SPRED2: variants seen among roughly 807,000 people sequenced by gnomAD.
SPRED2 encodes sprouty related EVH1 domain containing 2.
A neutral mutation model predicts 43.0 loss-of-function variants in SPRED2; 47 were observed. The ratio of observed to expected loss-of-function variants is 1.09; its 90% CI spans 0.87 to 1.40. The LOEUF (loss-of-function observed/expected upper bound fraction) is 1.40, where lower values mean the gene tolerates loss of function less well. SPRED2 is among the 40% of genes most tolerant of loss of function. The pLI is 0.00. For synonymous variants in SPRED2, 225 were observed against 225.7 expected, an observed-to-expected ratio of 1.00 and a Z score of 0.03; for missense variants, 561 against 586.4, an observed-to-expected ratio of 0.96 and a Z score of 0.45.
chr2:65,313,813 C>T lies in SPRED2; in HGVS notation c.945G>A (p.Met315Ile). Residue 315 changes from methionine (M) to isoleucine (I), a missense_variant, in exon 6 of 6, where the codon ATG becomes ATA. Met to Ile is a conservative substitution (Grantham distance 10, BLOSUM62 1). Transcript: ENST00000356388. ...CCCGGCGGTTCTCCTCGTGGTTGAA[C>T]ATGTCCCTGCAGTACACGCACCGCG... ...ERSRCVYCRD[M>I]FNHEENRRGH... is the part of the protein sequence containing the mutation. 7 of 1,613,798 alleles carry T rather than the reference C, an allele frequency of 4.3e-6. No individual in the cohort carries two copies. Among genetic ancestry groups the T allele is most frequent in the Non-Finnish European group, 5.9e-6 (7 of 1,180,032 alleles).
At position 65,316,719 on chromosome 2, in the gene SPRED2, A is replaced by G. The variant is rs764248188; in HGVS notation, c.588+15T>C. The G allele has an allele frequency of 6.2e-7, 1 of 1,602,592 alleles. No individual in the cohort carries two copies. Among genetic ancestry groups the G allele is most frequent in the South Asian group, 1.1e-5 (1 of 88,834 alleles). On this transcript the variant is annotated intron_variant, in intron 5 of 5. Coordinates refer to ENST00000356388, the MANE Select transcript of SPRED2 (RefSeq NM_181784.3). ...ACCACCCTGATGCCCTCAGAGGAAC[A>G]GGGCTGCTGCTCACCTGATCGAGGT...
Position 65,311,848 on chromosome 2 carries a change from A to C in SPRED2, c.*1653T>G. Reference sequence around the variant, plus strand: ...CCCCATGAAGGTGAGCACAGCTAGCACTTTCCCAATATGATTGGCAGACTG... The same window carrying C: ...CCCCATGAAGGTGAGCACAGCTAGCCCTTTCCCAATATGATTGGCAGACTG... On this transcript the variant is annotated 3_prime_UTR_variant, in exon 6 of 6. Transcript: ENST00000356388. The C allele has an allele frequency of 1.0e-6, 1 of 985,502 alleles. No homozygotes were observed. Among genetic ancestry groups the C allele is most frequent in the Non-Finnish European group, 1.2e-6 (1 of 829,956 alleles). 61.0% of individuals were successfully genotyped at this position (985,502 alleles called of 1,614,324 possible).
intron 1 of SPRED2, among the ~76,000 whole-genome samples, chr2:65,363,636 C>T (rs766010323): frequency 6.6e-6 from 1 of 152,150 alleles, no homozygotes; most frequent in African/African-American, 2.4e-5. Context: ...GGACAGCAGG[C>T]GATAGACAGG....
chr2:65,330,180 C>T (rs2104197265), intron 4 of SPRED2, among the ~76,000 whole-genome samples: 1 of 152,338 alleles, frequency 6.6e-6, no homozygotes, highest in East Asian at 1.9e-4. Flanking sequence ...ATCTTGTGAT[C>T]TCTTTGAGGG....
chr2:65,390,854 G>A (rs1675617508), intron 1 of SPRED2, among the ~76,000 whole-genome samples: 1 of 152,154 alleles, frequency 6.6e-6, no homozygotes, highest in South Asian at 2.1e-4. Context: ...GGGAGGCCAA[G>A]GTAGTGGATC....
downstream of SPRED2, among the ~76,000 whole-genome samples, chr2:65,307,634 T>TAA (rs1672967909): frequency 6.6e-6 from 1 of 151,588 alleles, no homozygotes; most frequent in Admixed American, 6.6e-5. Flanking sequence ...TCCTCCTTTA[T>TAA]AAATATATAT....
chr2:65,366,699 G>A, intron 1 of SPRED2: 1 of 1,529,454 alleles, frequency 6.5e-7, no homozygotes, highest in Non-Finnish European at 8.8e-7. Context: ...GCTGACCTGA[G>A]AACCAGCTGG....
At chr2:65,418,359 G>C (rs1042331701) in intron 1 of SPRED2, among the ~76,000 whole-genome samples, 1 of 152,082 alleles carries the variant, frequency 6.6e-6, no homozygotes, top group African/African-American at 2.4e-5. Context: ...CTCAGACATG[G>C]AGTGTCCCTA....
intron 1 of SPRED2, among the ~76,000 whole-genome samples, chr2:65,362,795 T>C (rs1412602412): frequency 6.6e-6 from 1 of 150,894 alleles, no homozygotes; most frequent in Non-Finnish European, 1.5e-5. Flanking sequence ...GAGGTGAAGG[T>C]TGCAGTGAGC....
intron 1 of SPRED2, among the ~76,000 whole-genome samples, chr2:65,417,046 AGT>A (rs1169209954): frequency 6.6e-6 from 1 of 152,146 alleles, no homozygotes; most frequent in Non-Finnish European, 1.5e-5. Context: ...TTGGCTTCTA[AGT>A]GCACAGAGTT....
At chr2:65,347,353 A>G (rs1413598826) in intron 1 of SPRED2, among the ~76,000 whole-genome samples, 1 of 152,102 alleles carries the variant, frequency 6.6e-6, no homozygotes, top group Non-Finnish European at 1.5e-5. Context: ...CTATGCTCAT[A>G]GGACTAGTTT....
downstream of SPRED2, chr2:65,310,714 CT>C (rs1206390994): frequency 4.1e-6 from 1 of 245,570 alleles, no homozygotes; most frequent in Non-Finnish European, 6.5e-6. Context: ...AGGAAAGGGC[CT>C]TGAAAAAACA....
intron 1 of SPRED2, among the ~76,000 whole-genome samples, chr2:65,366,435 C>T (rs752938552): frequency 6.6e-6 from 1 of 152,190 alleles, no homozygotes; most frequent in Non-Finnish European, 1.5e-5. Flanking sequence ...TGTCCTTGCA[C>T]GTGGGCACAC....
chr2:65,376,645 C>A (rs1196617375), intron 1 of SPRED2, among the ~76,000 whole-genome samples: 1 of 152,080 alleles, frequency 6.6e-6, no homozygotes, highest in Non-Finnish European at 1.5e-5. Context: ...CTCCCAAACT[C>A]ATCTCACAAA....
intron 1 of SPRED2, among the ~76,000 whole-genome samples, chr2:65,379,234 C>T (rs952329641): frequency 3.9e-5 from 6 of 151,902 alleles, no homozygotes; most frequent in Admixed American, 1.3e-4. Flanking sequence ...TCCCCCTCAC[C>T]CACCTGAGCA....
chr2:65,400,733 C>A (rs1240663091), intron 1 of SPRED2, among the ~76,000 whole-genome samples: 1 of 152,050 alleles, frequency 6.6e-6, no homozygotes, highest in South Asian at 2.1e-4. Context: ...GGTCCTTTCA[C>A]GTCCTGTTTC....
rs78340955 is a variant in SPRED2 at position 65,342,963 on chromosome 2, A to C, written c.204+1756T>G. ...TCCTGCCTTTTTAAAAAAAAGTACA[A>C]AGTGGGAAAATTACATCAAAGGGCT... On this transcript the variant is annotated intron_variant, in intron 2 of 5. Coordinates refer to ENST00000356388, the MANE Select transcript of SPRED2 (RefSeq NM_181784.3). Among the ~76,000 whole-genome samples the C allele has an allele frequency of 2.7e-3, 417 of 152,238 alleles. 3 individuals are homozygous for C. The highest frequency in any genetic ancestry group is 9.2e-3 in the African/African-American group (381 of 41,548).
At chr2:65,344,637 C>A (rs550258223) in intron 2 of SPRED2, 82 bp downstream of exon 2, 1 of 1,533,246 alleles carries the variant, frequency 6.5e-7, no homozygotes, top group Non-Finnish European at 8.9e-7. Flanking sequence ...GAAAAAAATA[C>A]GTTAAGGAAA....
intron 1 of SPRED2, among the ~76,000 whole-genome samples, chr2:65,422,030 T>C (rs933666506): frequency 4.6e-5 from 7 of 151,568 alleles, no homozygotes; most frequent in African/African-American, 1.2e-4. Flanking sequence ...CACTTGACGG[T>C]TGGACATATT....
Sources: allele counts gnomAD v4.1 joint callset (sites outside exome capture counted in the v4.1 genomes callset), GRCh38; gene constraint gnomAD v4.1.1; transcripts MANE v1.5; gene names NCBI Gene and HGNC (gene_info 2026-07-23, HGNC 2026-07-21).